MAST2: variants seen among roughly 807,000 people sequenced by gnomAD.
MAST2 encodes the protein microtubule-associated serine/threonine-protein kinase 2.
Under a neutral mutation model 147.4 loss-of-function variants are expected in MAST2, and 70 were observed. The observed-to-expected ratio is 0.47, with a 90% CI of 0.39 to 0.58. The LOEUF (loss-of-function observed/expected upper bound fraction) is 0.58. Among genes scored for constraint, MAST2 ranks in the 20% least tolerant of loss-of-function variants. The pLI is 0.00. For missense variants in MAST2, 2,080 were observed against 2,302.3 expected (o/e 0.90, Z 1.98); for synonymous variants, 869 against 896.8 (o/e 0.97, Z 0.55).
chr1:45,907,369 G>C (rs1280309043), intron 4 of MAST2, among the ~76,000 whole-genome samples: 3 of 151,398 alleles, frequency 2.0e-5, no homozygotes, highest in African/African-American at 7.3e-5. Context: ...TGTAATTTTA[G>C]CTTTTATGTT....
chr1:46,034,820 T>C lies in MAST2; in HGVS notation c.4151T>C (p.Leu1384Pro). Reference protein sequence around the residue: ...FPTKLHLSPPLGRQLSRPKSA... With the variant: ...FPTKLHLSPPPGRQLSRPKSA... ...ACAAAGCTTCACTTGTCACCTCCCC[T>C]GGGCAGGCAACTCTCACGGCCCAAG... Residue 1384 changes from leucine to proline, a missense_variant, in exon 29 of 29, where the codon CTG becomes CCG. This residue lies in a region of MAST2 where 1,278 missense variants were observed against 1,304.2 expected (regional missense o/e 0.98). Coordinates refer to ENST00000361297, the MANE Select transcript of MAST2 (RefSeq NM_015112.3). 1 of 1,613,992 alleles carries C rather than the reference T, an allele frequency of 6.2e-7. No homozygotes were observed. Among genetic ancestry groups the C allele is most frequent in the East Asian group, 2.2e-5 (1 of 44,866 alleles).
chr1:45,950,951 C>T (rs950300038), intron 4 of MAST2, among the ~76,000 whole-genome samples: 6 of 152,134 alleles, frequency 3.9e-5, no homozygotes, highest in Non-Finnish European at 7.4e-5. Context: ...AGTGTGGTGG[C>T]TCATGCCTGT....
intron 3 of MAST2, among the ~76,000 whole-genome samples, chr1:45,875,085 T>G (rs1646544822): frequency 6.6e-6 from 1 of 152,210 alleles, no homozygotes; most frequent in South Asian, 2.1e-4. Context: ...TAGTGCCCTG[T>G]AGACTACAGA....
intron 3 of MAST2, among the ~76,000 whole-genome samples, chr1:45,854,797 A>G (rs1645737163): frequency 6.6e-6 from 1 of 152,204 alleles, no homozygotes; most frequent in Non-Finnish European, 1.5e-5. Context: ...TGGAATAAGC[A>G]TCAGATCCCA....
chr1:46,023,645 G>T lies in MAST2; in HGVS notation c.1572-127G>T. On this transcript the variant is annotated intron_variant, in intron 14 of 28. Transcript: ENST00000361297. This position sits in a 1 kb window ranked among gnomAD's most constrained non-coding sequence, Gnocchi z 4.9. Reference sequence around the variant, plus strand: ...CAGGGGGTCCCAGACCCTTCTCACTGATATGCATGCCCTTGCCCCCTTGTT... The same window carrying T: ...CAGGGGGTCCCAGACCCTTCTCACTTATATGCATGCCCTTGCCCCCTTGTT... The T allele has an allele frequency of 1.2e-6, 1 of 818,740 alleles. No homozygotes were observed. 50.7% of individuals were successfully genotyped at this position (818,740 alleles called of 1,614,324 possible).
intron 3 of MAST2, among the ~76,000 whole-genome samples, chr1:45,849,843 G>T (rs932321648): frequency 6.6e-6 from 1 of 152,112 alleles, no homozygotes; most frequent in Non-Finnish European, 1.5e-5. Flanking sequence ...TCTTTATCTA[G>T]TCCACTGTTG....
chr1:45,810,905 T>A (rs1213215889), intron 1 of MAST2, among the ~76,000 whole-genome samples: 1 of 140,622 alleles, frequency 7.1e-6, no homozygotes, highest in Non-Finnish European at 1.5e-5. Context: ...CAGGCTGGAG[T>A]GCAGTGGCAC....
chr1:46,001,473 A>G (rs1315964663), intron 6 of MAST2, among the ~76,000 whole-genome samples: 2 of 152,192 alleles, frequency 1.3e-5, no homozygotes, highest in Non-Finnish European at 1.5e-5. Context: ...TACTTGTCTC[A>G]TCTTTGCTGA....
intron 5 of MAST2, among the ~76,000 whole-genome samples, chr1:45,968,304 A>G (rs1643706616): frequency 1.3e-5 from 2 of 152,110 alleles, no homozygotes; most frequent in South Asian, 4.1e-4. Flanking sequence ...TGTAGAGTTC[A>G]CTTTCTCCCC....
chr1:46,030,093 G>A (rs1271553511), intron 20 of MAST2, 36 bp from the exon 21 acceptor site: 5 of 1,609,154 alleles, frequency 3.1e-6, no homozygotes, highest in Non-Finnish European at 3.4e-6. Context: ...CCACCAGCAG[G>A]GCTCTGAAGG....
At chr1:45,829,688 T>G in intron 3 of MAST2, 107 bp downstream of exon 3, 1 of 1,206,476 alleles carries the variant, frequency 8.3e-7, no homozygotes, top group Non-Finnish European at 1.2e-6. Context: ...GAATTCAGTT[T>G]CCCAAAATGA....
chr1:45,979,429 GTTT>G (rs10712066), intron 5 of MAST2, among the ~76,000 whole-genome samples: 76 of 143,150 alleles, frequency 5.3e-4, no homozygotes, highest in African/African-American at 7.3e-4. Context: ...CAGATTTTTT[GTTT>G]TTTTTTTTTT....
chr1:45,854,508 A>G (rs771468934), intron 3 of MAST2, among the ~76,000 whole-genome samples: 2 of 152,012 alleles, frequency 1.3e-5, no homozygotes, highest in Non-Finnish European at 2.9e-5. Flanking sequence ...TTACTGTTCT[A>G]TTTCAAAATG....
intron 4 of MAST2, among the ~76,000 whole-genome samples, chr1:45,929,801 G>A (rs1654987846): frequency 6.6e-6 from 1 of 151,952 alleles, no homozygotes; most frequent in Non-Finnish European, 1.5e-5. Context: ...TAAATAGATG[G>A]ATTTTTTTTT....
chr1:45,924,943 G>A (rs56031939), intron 4 of MAST2, among the ~76,000 whole-genome samples: 6 of 152,258 alleles, frequency 3.9e-5, no homozygotes, highest in Non-Finnish European at 7.4e-5. Flanking sequence ...CCTTATCTTG[G>A]ACTTCTAGCC....
At chr1:45,805,575 T>C (rs1644118152) in intron 1 of MAST2, among the ~76,000 whole-genome samples, 1 of 152,248 alleles carries the variant, frequency 6.6e-6, no homozygotes, top group Admixed American at 6.5e-5. Flanking sequence ...GTCCAGGTCC[T>C]TTCCTGTCTC....
chr1:45,999,475 G>C (rs1645187654), intron 6 of MAST2, among the ~76,000 whole-genome samples: 1 of 152,166 alleles, frequency 6.6e-6, no homozygotes, highest in Non-Finnish European at 1.5e-5. Context: ...GATCCCCATA[G>C]GTGGCATTGA....
chr1:45,899,291 A>AT (rs1649315705), intron 4 of MAST2, among the ~76,000 whole-genome samples: 1 of 94,298 alleles, frequency 1.1e-5, no homozygotes, highest in Non-Finnish European at 2.2e-5. Flanking sequence ...GGCCAAAAAT[A>AT]TTTTTCCTTT....
chr1:45,927,024 G>T (rs1444044294), intron 4 of MAST2, among the ~76,000 whole-genome samples: 2 of 152,154 alleles, frequency 1.3e-5, no homozygotes, highest in Non-Finnish European at 2.9e-5. Context: ...AAATTTTAAA[G>T]CTGGGTGTCC....
Sources: gnomAD v4.1 joint callset for allele counts (sites outside exome capture counted in the v4.1 genomes callset) on GRCh38, gnomAD v4.1.1 for gene constraint, gnomAD v4.1.1 regional missense constraint, Gnocchi (gnomAD v3.1) non-coding constraint, MANE v1.5 for transcripts, NCBI Gene and HGNC (gene_info 2026-07-23, HGNC 2026-07-21) for gene names.